The following TRAPPC9 variants were observed in gnomAD, a reference collection of about 807,000 sequenced individuals.
TRAPPC9 encodes the protein trafficking protein particle complex subunit 9, also known as IKK2 binding protein.
TRAPPC9 carries 83 observed loss-of-function variants against 124.0 expected under a neutral mutation model. The ratio of observed to expected loss-of-function variants is 0.67; its 90% CI spans 0.56 to 0.80. The LOEUF is 0.80. Among genes scored for constraint, TRAPPC9 ranks in the 30% least tolerant of loss-of-function variants. The probability of loss-of-function intolerance (pLI) is 0.00; values close to 1 mark genes in which losing one functional copy is unlikely to be tolerated. For synonymous variants in TRAPPC9, 638 were observed against 617.5 expected (o/e 1.03, Z -0.49); for missense variants, 1,302 against 1,508.3 (o/e 0.86, Z 2.27).
At chr8:140,408,014 C>T (rs1431069205) in intron 5 of TRAPPC9, among the ~76,000 whole-genome samples, 2 of 152,140 alleles carry the variant, frequency 1.3e-5, no homozygotes, top group Non-Finnish European at 2.9e-5. Flanking sequence ...ACAAGAGCAT[C>T]GCTCCCAAGA....
At position 140,439,211 on chromosome 8, in the gene TRAPPC9, G is replaced by A. The variant is rs768156146; in HGVS notation, c.585-14C>T. The A allele has an allele frequency of 1.2e-6, 2 of 1,613,616 alleles. No homozygotes were observed. The highest frequency in any genetic ancestry group is 1.7e-6 in the Non-Finnish European group (2 of 1,179,762). ...TTCTTGTAATGTCTAGAAAATACATGAAAATGTATCTTTATTACTATACAA... is the reference window on the plus strand; with the variant it reads ...TTCTTGTAATGTCTAGAAAATACATAAAAATGTATCTTTATTACTATACAA... On this transcript the variant is annotated splice_polypyrimidine_tract_variant and intron_variant, in intron 2 of 22. Coordinates refer to ENST00000438773, the MANE Select transcript of TRAPPC9 (RefSeq NM_001160372.4).
intron 17 of TRAPPC9, among the ~76,000 whole-genome samples, chr8:140,092,818 A>G (rs75292316): frequency 6.6e-6 from 1 of 152,374 alleles, no homozygotes; most frequent in African/African-American, 2.4e-5. Context: ...TTAAACATAC[A>G]GCATAAGGGT....
chr8:139,784,871 G>A (rs1189005088), intron 21 of TRAPPC9, among the ~76,000 whole-genome samples: 7 of 151,956 alleles, frequency 4.6e-5, no homozygotes, highest in Admixed American at 2.6e-4. Context: ...ATACAAAGAT[G>A]TCAGTTCTCC....
At chr8:140,013,811 C>G (rs1032389521) in intron 18 of TRAPPC9, among the ~76,000 whole-genome samples, 1 of 152,206 alleles carries the variant, frequency 6.6e-6, no homozygotes, top group African/African-American at 2.4e-5. Flanking sequence ...TTATAACACA[C>G]AGTTTTACAA....
intron 16 of TRAPPC9, among the ~76,000 whole-genome samples, chr8:140,242,074 G>A (rs550036804): frequency 1.8e-4 from 27 of 152,100 alleles, no homozygotes; most frequent in African/African-American, 6.0e-4. Flanking sequence ...GAGCACAGAT[G>A]AAGGGCATTT....
At chr8:139,922,098 G>A (rs1281029395) in intron 19 of TRAPPC9, among the ~76,000 whole-genome samples, 1 of 152,020 alleles carries the variant, frequency 6.6e-6, no homozygotes, top group Non-Finnish European at 1.5e-5. Flanking sequence ...TATAGAGAGT[G>A]AGAATATTTA....
intron 21 of TRAPPC9, among the ~76,000 whole-genome samples, chr8:139,851,607 C>T (rs548340342): frequency 2.0e-4 from 31 of 152,260 alleles, no homozygotes; most frequent in Non-Finnish European, 3.2e-4. Context: ...AGCACTAACA[C>T]GAGAACACAG....
chr8:140,196,146 C>T lies in TRAPPC9; in HGVS notation c.2556+25313G>A, dbSNP rs555989657. Reference sequence around the variant, plus strand: ...TGTGACACTGAAACACAACGATCCACCATACAGATCACACCTGTGACACTA... The same window carrying T: ...TGTGACACTGAAACACAACGATCCATCATACAGATCACACCTGTGACACTA... On this transcript the variant is annotated intron_variant, in intron 17 of 22. Coordinates refer to ENST00000438773, the MANE Select transcript of TRAPPC9 (RefSeq NM_001160372.4). Among the ~76,000 whole-genome samples the T allele has an allele frequency of 2.7e-5, 4 of 147,758 alleles. No individual in the cohort carries two copies. The South Asian group carries it at 8.7e-4, about 32-fold the overall frequency.
At chr8:139,889,609 A>T (rs1830211389) in intron 20 of TRAPPC9, among the ~76,000 whole-genome samples, 1 of 152,204 alleles carries the variant, frequency 6.6e-6, no homozygotes, top group Non-Finnish European at 1.5e-5. Context: ...CACACTCCTG[A>T]GCTGGACACT....
At position 140,353,319 on chromosome 8, in the gene TRAPPC9, C is replaced by T. The variant is rs773413993; in HGVS notation, c.1495+6731G>A. ...TGGCCCCCTCCCATCTCATGGGACC[C>T]CCCCCTTTCGTCACTCCTCAGTCTT... On this transcript the variant is annotated intron_variant, in intron 9 of 22. Coordinates refer to ENST00000438773, the MANE Select transcript of TRAPPC9 (RefSeq NM_001160372.4). The surrounding 1 kb of genome is among the most constrained non-coding windows in gnomAD (Gnocchi z 4.2). 2.0e-5 allele frequency among the ~76,000 whole-genome samples: 3 copies of T among 152,026 alleles called. No homozygotes were observed. In the East Asian group the frequency reaches 5.8e-4, roughly 29 times the overall value.
At chr8:140,055,822 A>C (rs904890323) in intron 17 of TRAPPC9, among the ~76,000 whole-genome samples, 1 of 152,214 alleles carries the variant, frequency 6.6e-6, no homozygotes, top group African/African-American at 2.4e-5. Flanking sequence ...TGTACATTGA[A>C]AACTACAAAA....
chr8:139,790,539 CA>C (rs1316199578), intron 21 of TRAPPC9, among the ~76,000 whole-genome samples: 7 of 152,178 alleles, frequency 4.6e-5, no homozygotes, highest in Admixed American at 4.6e-4. Context: ...GGGTTCTCAC[CA>C]GGGGTGGTCC....
At chr8:140,272,088 TTGA>T (rs779773120) in intron 15 of TRAPPC9, among the ~76,000 whole-genome samples, 397 of 102,392 alleles carry the variant, frequency 3.9e-3, no homozygotes, top group Middle Eastern at 6.1e-3. Flanking sequence ...GGTGGTTGTG[TTGA>T]TGATGAGGTG....
At chr8:139,976,785 G>A (rs1251333610) in intron 19 of TRAPPC9, among the ~76,000 whole-genome samples, 1 of 152,236 alleles carries the variant, frequency 6.6e-6, no homozygotes, top group Non-Finnish European at 1.5e-5. Context: ...TTCGCCTTCT[G>A]CGGGGATACT....
intron 21 of TRAPPC9, among the ~76,000 whole-genome samples, chr8:139,757,922 G>A (rs570655688): frequency 3.7e-4 from 56 of 152,300 alleles, no homozygotes; most frequent in African/African-American, 1.3e-3. Context: ...CATGCCAGGA[G>A]GCTGCATGCC....
At chr8:140,350,768 C>G (rs1167591090) in intron 9 of TRAPPC9, among the ~76,000 whole-genome samples, 5 of 152,074 alleles carry the variant, frequency 3.3e-5, no homozygotes, top group Non-Finnish European at 4.4e-5. Flanking sequence ...GCCAAAGGAA[C>G]TGGAACCGGG....
chr8:140,300,356 C>T lies in TRAPPC9; in HGVS notation c.1768+113G>A, dbSNP rs149106793. On this transcript the variant is annotated intron_variant, in intron 11 of 22. Coordinates refer to ENST00000438773, the MANE Select transcript of TRAPPC9 (RefSeq NM_001160372.4). ...ATGCATGCGTGCACACATCCACGCA[C>T]GCACACACATGCACATGCATGAACT... The T allele has an allele frequency of 6.3e-3, 8,527 of 1,353,790 alleles. 39 individuals are homozygous for T. Among genetic ancestry groups the T allele is most frequent in the Non-Finnish European group, 8.2e-3 (7,769 of 948,646 alleles). 83.9% of individuals were successfully genotyped at this position (1,353,790 alleles called of 1,614,324 possible). A position where few individuals can be genotyped will look rare whatever the true frequency, so the allele number is the denominator to read the frequency against.
chr8:140,253,377 A>AT (rs1406995837), intron 15 of TRAPPC9, among the ~76,000 whole-genome samples: 2 of 152,054 alleles, frequency 1.3e-5, no homozygotes, highest in Non-Finnish European at 2.9e-5. Context: ...CAAAAAGAGA[A>AT]TAAAAAATCA....
At chr8:140,373,605 C>T (rs139025733) in intron 7 of TRAPPC9, among the ~76,000 whole-genome samples, 6 of 151,638 alleles carry the variant, frequency 4.0e-5, no homozygotes, top group African/African-American at 7.3e-5. Context: ...GTCATGCCGA[C>T]GCCGACGATG....
Sources: allele counts gnomAD v4.1 joint callset (sites outside exome capture counted in the v4.1 genomes callset), GRCh38; gene constraint gnomAD v4.1.1; non-coding constraint Gnocchi (gnomAD v3.1); transcripts MANE v1.5; gene names NCBI Gene and HGNC (gene_info 2026-07-23, HGNC 2026-07-21).